DGKQ: variants seen among roughly 807,000 people sequenced by gnomAD.
DGKQ encodes the protein diacylglycerol kinase theta.
In DGKQ, 97 loss-of-function variants were observed where a neutral mutation model predicts 104.2. The ratio of observed to expected loss-of-function variants is 0.93; its 90% CI spans 0.79 to 1.10. The LOEUF is 1.10. Ranked by LOEUF, DGKQ falls within the 50% of genes least tolerant of loss-of-function variation. DGKQ has a pLI of 0.00. For synonymous variants in DGKQ, 736 were observed against 595.2 expected (o/e 1.24, Z -3.44); for missense variants, 1,465 against 1,352.1 (o/e 1.08, Z -1.31).
At position 970,999 on chromosome 4, in the gene DGKQ, C is replaced by A. The variant is rs1180021277; in HGVS notation, c.345G>T (p.Leu115=). 8 of 1,551,266 alleles carry A rather than the reference C, an allele frequency of 5.2e-6. No individual in the cohort carries two copies. The highest frequency in any genetic ancestry group is 6.1e-6 in the Non-Finnish European group (7 of 1,147,592). ...CACCCAGCCCCACACTCACCCGGAC[C>A]AGGCTGGGTGCCACACTCGTGCACG... is the stretch of plus-strand genomic sequence containing the variant. The part of the protein sequence containing the change: ...RIPCTSVAPS[L]VRVPVAHCFG... Residue 115 remains leucine, a synonymous_variant, in exon 2 of 23, where the codon CTG becomes CTT. Transcript: ENST00000273814.
In DGKQ at chr4:966,674, A is replaced by G. The variant is rs377364803; in HGVS notation, c.1366+74T>C. On this transcript the variant is annotated intron_variant, in intron 11 of 22. Coordinates refer to ENST00000273814, the MANE Select transcript of DGKQ (RefSeq NM_001347.4). ...GCCTTGATGTCCGGCACCACCCTGC[A>G]GGAAAGCCTGGGCAGCAGGTCCAAA... The G allele has an allele frequency of 5.6e-3, 8,578 of 1,531,184 alleles. 504 individuals are homozygous for G. In the South Asian group the frequency reaches 0.093, roughly 17 times the overall value. The allele number at this position is 1,531,184 out of a possible 1,614,324, so 94.8% of individuals were successfully genotyped here.
rs952377804 is a variant in DGKQ, at chr4:960,369, C to T, written c.*251G>A. 1.2e-5 allele frequency: 7 copies of T among 566,142 alleles called. No individual in the cohort carries two copies. Among genetic ancestry groups the T allele is most frequent in the African/African-American group, 5.6e-5 (3 of 53,314 alleles). The allele number at this position is 566,142 out of a possible 1,614,324, so 35.1% of individuals were successfully genotyped here. A position where few individuals can be genotyped will look rare whatever the true frequency, so the allele number is the denominator to read the frequency against. On this transcript the variant is annotated 3_prime_UTR_variant, in exon 23 of 23. Transcript: ENST00000273814. ...CACCATCCAGAGCCCTGCGCCCACC[C>T]GGGACACGGGGTAACACTGCCACCC...
chr4:967,008 C>CA lies in DGKQ; in HGVS notation c.1266_1267insT (p.Ala423CysfsTer99). The CA allele has an allele frequency of 1.9e-6, 3 of 1,564,748 alleles. No homozygotes were observed. The highest frequency in any genetic ancestry group is 2.6e-6 in the Non-Finnish European group (3 of 1,156,988). On this transcript the variant is annotated frameshift_variant, in exon 10 of 23. Coordinates refer to ENST00000273814, the MANE Select transcript of DGKQ (RefSeq NM_001347.4). LOFTEE classifies it high-confidence loss of function. ...AGGACCTCCAGCACCACAGAGCGGGCCGTGCTCTTCGGGGTCACTCGCACG... is the reference window on the plus strand; with the variant it reads ...AGGACCTCCAGCACCACAGAGCGGGCACGTGCTCTTCGGGGTCACTCGCACG...
intron 4 of DGKQ, 34 bp from the exon 5 acceptor site, chr4:968,441 C>A: frequency 6.3e-7 from 1 of 1,590,320 alleles, no homozygotes. Context: ...GCTGGGCCCG[C>A]CCCACCCCCC....
chr4:969,958 A>G (rs1242231319), intron 2 of DGKQ, among the ~76,000 whole-genome samples: 1 of 152,266 alleles, frequency 6.6e-6, no homozygotes, highest in Non-Finnish European at 1.5e-5. Flanking sequence ...GTTGAAATAC[A>G]TACTTATATT....
intron 15 of DGKQ, 48 bp from the exon 16 acceptor site, chr4:963,338 C>A (rs1314481588): frequency 1.9e-6 from 3 of 1,549,324 alleles, no homozygotes; most frequent in Non-Finnish European, 2.6e-6. Flanking sequence ...GGTGGGGTGT[C>A]CCCACTGCTG....
intron 18 of DGKQ, 65 bp from the exon 19 acceptor site, chr4:962,147 C>CA: frequency 2.1e-6 from 3 of 1,398,388 alleles, no homozygotes; most frequent in Non-Finnish European, 3.0e-6. Flanking sequence ...AGCTCCCCAA[C>CA]AGCTCTGCCG....
chr4:968,439 C>T (rs559781292), intron 4 of DGKQ, 32 bp from the exon 5 acceptor site: 30 of 1,587,138 alleles, frequency 1.9e-5, no homozygotes, highest in East Asian at 1.6e-4. Flanking sequence ...CAGCTGGGCC[C>T]GCCCCACCCC....
rs543416446 is a variant in DGKQ at position 962,334 on chromosome 4, G to A, written c.2214+101C>T. 104 of 1,223,656 alleles carry A rather than the reference G, an allele frequency of 8.5e-5. 1 individual carries two copies. The African/African-American group carries it at 1.0e-3, about 12-fold the overall frequency. The allele number at this position is 1,223,656 out of a possible 1,614,324, so 75.8% of individuals were successfully genotyped here. On this transcript the variant is annotated intron_variant, in intron 18 of 22. Coordinates refer to ENST00000273814, the MANE Select transcript of DGKQ (RefSeq NM_001347.4). The stretch of plus-strand genomic sequence containing the variant: ...TTTGCAGAGGGGATGATGCGGGCGC[G>A]TACACCCGAGTGTGGCTGGGAAGAG...
chr4:962,376 C>T (rs375980305), intron 18 of DGKQ, 59 bp downstream of exon 18: 19 of 1,468,200 alleles, frequency 1.3e-5, no homozygotes, highest in East Asian at 5.0e-5. Flanking sequence ...CGTTGTGACG[C>T]GTGTAGCGGG....
Position 967,355 on chromosome 4 carries a change from C to T in DGKQ, c.994G>A (p.Ala332Thr), listed in dbSNP as rs375110375. The change falls in exon 9 of 23, where the codon GCA becomes ACA. Residue 332 changes from alanine (A) to threonine (T), a missense_variant. By Grantham distance (58) the Ala-to-Thr change is moderately conservative. Transcript: ENST00000273814. ...TCGGGGATGTGGTGGGCCCGCAGTG[C>T]GGCCTCCTGCAGGGCACCAGGTTAG... ...LAGAEEVLEAALRAHHIPEDP... is the reference protein window; with the variant it reads ...LAGAEEVLEATLRAHHIPEDP... The T allele has an allele frequency of 9.2e-6, 14 of 1,524,732 alleles. No homozygotes were observed. The highest frequency in any genetic ancestry group is 1.2e-5 in the Non-Finnish European group (14 of 1,140,700). The allele number at this position is 1,524,732 out of a possible 1,614,324, so 94.5% of individuals were successfully genotyped here. A position where few individuals can be genotyped will look rare whatever the true frequency, so the allele number is the denominator to read the frequency against.
chr4:970,139 A>G (rs1712815181), intron 2 of DGKQ, among the ~76,000 whole-genome samples: 3 of 152,204 alleles, frequency 2.0e-5, no homozygotes, highest in African/African-American at 7.2e-5. Context: ...GAACTGCATC[A>G]TTAGGAACAG....
chr4:965,899 C>G (rs373338843), intron 13 of DGKQ, 29 bp downstream of exon 13: 13 of 1,565,194 alleles, frequency 8.3e-6, no homozygotes, highest in Admixed American at 3.6e-5. Flanking sequence ...CCCGTGCCAG[C>G]AGCCCACGGC....
At position 966,976 on chromosome 4, in the gene DGKQ, C is replaced by G; in HGVS notation, c.1299G>C (p.Leu433=). The change falls in exon 10 of 23, where the codon CTG becomes CTC. Residue 433 remains leucine, a synonymous_variant. Transcript: ENST00000273814. ...ACAGGGTACGCACCTGGCGGCCGAG[C>G]AGCGGCAGGACCTCCAGCACCACAG... is the stretch of plus-strand genomic sequence containing the variant. The part of the protein sequence containing the change: ...ARSVVLEVLP[L]LGRQAESPES... The G allele has an allele frequency of 1.9e-6, 3 of 1,564,272 alleles. No homozygotes were observed. The South Asian group carries it at 3.5e-5, about 18-fold the overall frequency.
chr4:966,669 C>T (rs905456937), intron 11 of DGKQ, 79 bp downstream of exon 11: 6 of 1,525,330 alleles, frequency 3.9e-6, no homozygotes, highest in Non-Finnish European at 4.5e-6. Flanking sequence ...CCGGCACCAC[C>T]CTGCAGGAAA....
chr4:965,045 C>T, intron 15 of DGKQ, 131 bp downstream of exon 15: 1 of 689,290 alleles, frequency 1.5e-6, no homozygotes, highest in Non-Finnish European at 2.5e-6. Context: ...TACAAGCCCC[C>T]AGTGAATTCA....
Position 967,170 on chromosome 4 carries a change from C to T in DGKQ, c.1179G>A (p.Pro393=), listed in dbSNP as rs535554666. 1.0e-5 allele frequency: 16 copies of T among 1,598,620 alleles called. No individual in the cohort carries two copies. In the East Asian group the frequency reaches 1.4e-4, roughly 14 times the overall value. Residue 393 remains proline (P), a synonymous_variant, in exon 9 of 23, where the codon CCG becomes CCA. Coordinates refer to ENST00000273814, the MANE Select transcript of DGKQ (RefSeq NM_001347.4). ...AGATCTTCAGGACCTCCTGGGCCCGCGGCAGAGCCCGGATGACCCAGGCCT... is the reference window on the plus strand; with the variant it reads ...AGATCTTCAGGACCTCCTGGGCCCGTGGCAGAGCCCGGATGACCCAGGCCT... The part of the protein sequence containing the change: ...TPEAWVIRAL[P]RAQEVLKIYP...
At chr4:961,903 C>T (rs757702578) in intron 19 of DGKQ, 69 bp from the exon 20 acceptor site, 40 of 1,605,118 alleles carry the variant, frequency 2.5e-5, no homozygotes, top group African/African-American at 5.3e-5. Flanking sequence ...CTCCGGGTTC[C>T]GGCCCCTCTG....
rs1712528552 is a variant in DGKQ, at chr4:967,738, A to G, written c.876T>C (p.Thr292=). The G allele has an allele frequency of 6.2e-7, 1 of 1,610,946 alleles. No individual in the cohort carries two copies. The change falls in exon 7 of 23, where the codon ACT becomes ACC. Residue 292 remains threonine (T), a synonymous_variant. Coordinates refer to ENST00000273814, the MANE Select transcript of DGKQ (RefSeq NM_001347.4). ...GAGGCGGGCACTTACCGGACTCCGG[A>G]GTTGCCTGTGTCTCTCTGCCTGGAC... ...AVGPGRETQA[T]PESGKQTLKI...
Sources: allele counts gnomAD v4.1 joint callset (sites outside exome capture counted in the v4.1 genomes callset), GRCh38; gene constraint gnomAD v4.1.1; transcripts MANE v1.5; gene names NCBI Gene and HGNC (gene_info 2026-07-23, HGNC 2026-07-21).